The following DNAH12 variants were observed in gnomAD, a reference collection of about 807,000 sequenced individuals.
DNAH12 encodes the protein dynein axonemal heavy chain 12.
In DNAH12, 285 loss-of-function variants were observed where a neutral mutation model predicts 371.5. That is an observed-to-expected ratio of 0.77 (90% confidence interval 0.70 to 0.85). The LOEUF is 0.85. Ranked by LOEUF, DNAH12 falls within the 40% of genes least tolerant of loss-of-function variation. DNAH12 has a pLI of 0.00. For missense variants in DNAH12, 3,611 were observed against 3,689.4 expected (o/e 0.98, Z 0.55); for synonymous variants, 1,200 against 1,213.0 (o/e 0.99, Z 0.22).
intron 39 of DNAH12, among the ~76,000 whole-genome samples, chr3:57,410,741 GGGAGGC>G (rs1420257872): frequency 6.6e-6 from 1 of 151,982 alleles, no homozygotes; most frequent in Non-Finnish European, 1.5e-5. Context: ...ACTTGAACCT[GGGAGGC>G]GGAGGTTGTA....
In DNAH12 at chr3:57,293,946, C is replaced by T. The variant is rs115665903; in HGVS notation, c.11718G>A (p.Ser3906=). The stretch of plus-strand genomic sequence containing the variant: ...TGTAGAGGGGACAGACATAGGCATC[C>T]GACTTTATAATCCGAGATTTTTGAG... ...KPTQKSRIIK[S]DAYVCPLYKT... The change falls in exon 74 of 74, where the codon TCG becomes TCA. Residue 3906 remains serine, a synonymous_variant. Coordinates refer to ENST00000495027, the MANE Select transcript of DNAH12 (RefSeq NM_001366028.2). 2.8e-3 allele frequency: 3,879 copies of T among 1,398,604 alleles called. 72 individuals carry two copies. The African/African-American group carries it at 0.048, about 17-fold the overall frequency. The allele number at this position is 1,398,604 out of a possible 1,614,324, so 86.6% of individuals were successfully genotyped here. A position where few individuals can be genotyped will look rare whatever the true frequency, so the allele number is the denominator to read the frequency against.
intron 69 of DNAH12, among the ~76,000 whole-genome samples, chr3:57,305,423 A>G (rs1471582423): frequency 6.7e-6 from 1 of 150,210 alleles, no homozygotes; most frequent in Non-Finnish European, 1.5e-5. Context: ...TCTTTTTATC[A>G]CCTCCCCTCC....
At chr3:57,296,624 GA>G (rs2061239679) in intron 71 of DNAH12, among the ~76,000 whole-genome samples, 189 bp from the exon 72 acceptor site, 1 of 152,184 alleles carries the variant, frequency 6.6e-6, no homozygotes, top group South Asian at 2.1e-4. Context: ...TATTTTATCA[GA>G]TTGTACTGTA....
intron 43 of DNAH12, among the ~76,000 whole-genome samples, chr3:57,396,307 A>C (rs2063740260): frequency 6.8e-6 from 1 of 147,838 alleles, no homozygotes; most frequent in Non-Finnish European, 1.5e-5. Flanking sequence ...AAAAAAAAAA[A>C]AAAGAGAACC....
chr3:57,375,349 A>G (rs993472941), intron 55 of DNAH12, 22 bp downstream of exon 55: 1 of 152,126 alleles, frequency 6.6e-6, no homozygotes, highest in Non-Finnish European at 1.5e-5. Flanking sequence ...AACAGAAAAA[A>G]CAAATAGTTT....
intron 25 of DNAH12, among the ~76,000 whole-genome samples, chr3:57,448,613 C>G (rs897610846): frequency 6.6e-6 from 1 of 152,204 alleles, no homozygotes; most frequent in African/African-American, 2.4e-5. Context: ...AGAACCCGAC[C>G]ATGTTGCCAA....
chr3:57,373,577 G>A (rs2063222220), intron 55 of DNAH12, among the ~76,000 whole-genome samples: 1 of 151,198 alleles, frequency 6.6e-6, no homozygotes, highest in African/African-American at 2.4e-5. Context: ...GCCTGCCTCA[G>A]CCTCCCAAAG....
At position 57,458,173 on chromosome 3, in the gene DNAH12, GT is replaced by G. The variant is rs2065955379; in HGVS notation, c.2978del (p.Asn993ThrfsTer10). 6.5e-7 allele frequency: 1 copy of G among 1,549,560 alleles called. No homozygotes were observed. Among genetic ancestry groups the G allele is most frequent in the Admixed American group, 2.0e-5 (1 of 50,506 alleles). On this transcript the variant is annotated frameshift_variant, in exon 21 of 74. Transcript: ENST00000495027. LOFTEE classifies it high-confidence loss of function. The stretch of plus-strand genomic sequence containing the variant: ...TAATTTTCTCCAAAAGTTCATTGCA[GT>G]TCTGTAGTTTTTCCAATAAACCTGT... ...SLTGLLEKLQ[N>X]CNELLEKIMK... is the part of the protein sequence containing the mutation.
chr3:57,434,707 T>G lies in DNAH12; in HGVS notation c.4656-879A>C, dbSNP rs369405790. Among the ~76,000 whole-genome samples, 18 of 152,324 alleles carry G rather than the reference T, an allele frequency of 1.2e-4. No individual in the cohort carries two copies. In the East Asian group the frequency reaches 3.1e-3, roughly 26 times the overall value. On this transcript the variant is annotated intron_variant, in intron 30 of 73. Coordinates refer to ENST00000495027, the MANE Select transcript of DNAH12 (RefSeq NM_001366028.2). ...ACAATTATTGTCATGCAATGAATGA[T>G]GAAACATTTGGTAAATGTATTCCTT...
intron 49 of DNAH12, among the ~76,000 whole-genome samples, chr3:57,383,009 C>T (rs1400503168): frequency 6.6e-6 from 1 of 152,156 alleles, no homozygotes; most frequent in African/African-American, 2.4e-5. Context: ...AGAATTCAGA[C>T]AAATGGGGAG....
intron 2 of DNAH12, among the ~76,000 whole-genome samples, chr3:57,533,555 G>C (rs909494505): frequency 6.6e-6 from 1 of 152,134 alleles, no homozygotes; most frequent in African/African-American, 2.4e-5. Context: ...GGGCTCTTTA[G>C]TCAGTAAGTG....
chr3:57,448,604 G>A lies in DNAH12; in HGVS notation c.3787-1915C>T, dbSNP rs558856037. Among the ~76,000 whole-genome samples the A allele has an allele frequency of 3.5e-4, 53 of 152,322 alleles. No homozygotes were observed. The Middle Eastern group carries it at 0.01, about 30-fold the overall frequency. ...AACAAAGCTTCCACAGCGTGGAATA[G>A]AACCCGACCATGTTGCCAATGCTGG... On this transcript the variant is annotated intron_variant, in intron 25 of 73. Transcript: ENST00000495027.
In DNAH12 at chr3:57,411,659, T is replaced by A. The variant is rs1020820175; in HGVS notation, c.6020+2087A>T. Among the ~76,000 whole-genome samples the A allele has an allele frequency of 4.0e-5, 6 of 150,962 alleles. No homozygotes were observed. The South Asian group carries it at 1.3e-3, about 32-fold the overall frequency. ...TATAGAAGATCTATATGAGGAAAAC[T>A]GTAAAACCCTGAAGAACTAAATCGA... On this transcript the variant is annotated intron_variant, in intron 39 of 73. Coordinates refer to ENST00000495027, the MANE Select transcript of DNAH12 (RefSeq NM_001366028.2).
chr3:57,527,430 G>C lies in DNAH12; in HGVS notation c.171-3546C>G, dbSNP rs1215598332. On this transcript the variant is annotated intron_variant, in intron 2 of 73. Transcript: ENST00000495027. ...GTTTAATTGGCTCCTGGTTCTGCAG[G>C]CTGCACAGGAAGCATAGCAGCATCT... Among the ~76,000 whole-genome samples the C allele has an allele frequency of 2.6e-5, 4 of 152,192 alleles. No individual in the cohort carries two copies. In the East Asian group the frequency reaches 7.7e-4, roughly 29 times the overall value.
At chr3:57,370,307 T>C in intron 55 of DNAH12, among the ~76,000 whole-genome samples, 1 of 152,312 alleles carries the variant, frequency 6.6e-6, no homozygotes, top group East Asian at 1.9e-4. Flanking sequence ...AAATGAGATA[T>C]TCAAAGATAA....
rs2063635402 is a variant in DNAH12, at chr3:57,392,049, A to C, written c.7128T>G (p.Ala2376=). 1 of 152,234 alleles carries C rather than the reference A, an allele frequency of 6.6e-6. No homozygotes were observed. Among genetic ancestry groups the C allele is most frequent in the African/African-American group, 2.4e-5 (1 of 41,454 alleles). 9.4% of individuals were successfully genotyped at this position (152,234 alleles called of 1,614,324 possible). ...QEVMEGVRPV[A]QAGNKHDELS... The stretch of plus-strand genomic sequence containing the variant: ...GTTCATCATGTTTATTGCCAGCCTG[A>C]GCTACTGGGCGAACACCCTAGGGAA... Residue 2376 remains alanine, a synonymous_variant, in exon 45 of 74, where the codon GCT becomes GCG. Coordinates refer to ENST00000495027, the MANE Select transcript of DNAH12 (RefSeq NM_001366028.2).
chr3:57,427,998 G>A (rs527325517), intron 34 of DNAH12, among the ~76,000 whole-genome samples: 213 of 151,656 alleles, frequency 1.4e-3, no homozygotes, highest in African/African-American at 5.0e-3. Context: ...GCGTGATCTC[G>A]GCTCACTGCA....
At chr3:57,355,352 A>G (rs1435035914) in intron 59 of DNAH12, among the ~76,000 whole-genome samples, 37 of 152,192 alleles carry the variant, frequency 2.4e-4, no homozygotes, top group Admixed American at 2.4e-3. Context: ...AATTAAAGTC[A>G]ACAAAGATGA....
At chr3:57,417,772 T>C (rs770650941) in intron 37 of DNAH12, among the ~76,000 whole-genome samples, 26 of 152,156 alleles carry the variant, frequency 1.7e-4, no homozygotes, top group Non-Finnish European at 3.7e-4. Context: ...ATCTTGTTAT[T>C]TAATGTGTTA....
Sources: allele counts gnomAD v4.1 joint callset (sites outside exome capture counted in the v4.1 genomes callset), GRCh38; gene constraint gnomAD v4.1.1; transcripts MANE v1.5; gene names NCBI Gene and HGNC (gene_info 2026-07-23, HGNC 2026-07-21).